The following MARCHF1 variants were observed in gnomAD, a reference collection of about 807,000 sequenced individuals.
MARCHF1 encodes the protein membrane associated ring-CH-type finger 1.
In MARCHF1, 40 loss-of-function variants were observed where a neutral mutation model predicts 54.2. That is an observed-to-expected ratio of 0.74 (90% CI 0.57 to 0.96). The LOEUF (loss-of-function observed/expected upper bound fraction) is 0.96. Among genes scored for constraint, MARCHF1 ranks in the 40% least tolerant of loss-of-function variants. MARCHF1 has a pLI of 0.00. For missense variants in MARCHF1, 586 were observed against 656.5 expected (o/e 0.89, Z 1.17); for synonymous variants, 236 against 236.3 (o/e 1.00, Z 0.01).
chr4:163,688,756 T>A (rs1455262678), intron 5 of MARCHF1, among the ~76,000 whole-genome samples: 1 of 152,130 alleles, frequency 6.6e-6, no homozygotes, highest in Non-Finnish European at 1.5e-5. Context: ...CCTCTCTGAG[T>A]ACTGTCTTCT....
intron 1 of MARCHF1, among the ~76,000 whole-genome samples, chr4:164,136,168 A>G (rs1180624916): frequency 6.7e-6 from 1 of 149,768 alleles, no homozygotes; most frequent in Admixed American, 6.7e-5. Flanking sequence ...AGTTTCTACT[A>G]TGTTCTTCTC....
intron 1 of MARCHF1, among the ~76,000 whole-genome samples, chr4:164,367,161 G>C: frequency 6.6e-6 from 1 of 152,042 alleles, no homozygotes; most frequent in Non-Finnish European, 1.5e-5. Context: ...AGACAGACTT[G>C]CCTACTCATG....
At chr4:164,052,835 T>G (rs1754402663) in intron 2 of MARCHF1, among the ~76,000 whole-genome samples, 1 of 152,100 alleles carries the variant, frequency 6.6e-6, no homozygotes, top group South Asian at 2.1e-4. Flanking sequence ...GGCTAAAAAG[T>G]AATTAGGAGA....
intron 2 of MARCHF1, among the ~76,000 whole-genome samples, chr4:164,004,531 C>A (rs1212242000): frequency 6.6e-6 from 1 of 151,572 alleles, no homozygotes; most frequent in Non-Finnish European, 1.5e-5. Flanking sequence ...CCAATGACTG[C>A]AGAATAGAAA....
At chr4:164,242,671 A>G (rs1045845968) in intron 1 of MARCHF1, among the ~76,000 whole-genome samples, 2 of 152,220 alleles carry the variant, frequency 1.3e-5, no homozygotes, top group Non-Finnish European at 2.9e-5. Context: ...CAGATGATCA[A>G]ATTACTCTGA....
chr4:164,307,963 C>T (rs954810297), intron 1 of MARCHF1, among the ~76,000 whole-genome samples: 2 of 152,128 alleles, frequency 1.3e-5, no homozygotes, highest in African/African-American at 2.4e-5. Context: ...ACATGATTTA[C>T]CCCTTGAGCC....
At chr4:163,615,582 TA>T (rs5863618) in intron 5 of MARCHF1, among the ~76,000 whole-genome samples, 61,854 of 151,108 alleles carry the variant, frequency 0.41, 13,423 homozygotes, top group East Asian at 0.57. Flanking sequence ...TGAAGAGGAA[TA>T]AAAAAAAATG....
chr4:164,256,861 T>C (rs1560976534), intron 1 of MARCHF1, among the ~76,000 whole-genome samples: 2 of 152,208 alleles, frequency 1.3e-5, no homozygotes, highest in South Asian at 4.1e-4. Flanking sequence ...CATTTTTTAA[T>C]GTAATACCAT....
At chr4:163,673,365 C>T (rs1743799736) in intron 5 of MARCHF1, among the ~76,000 whole-genome samples, 1 of 152,140 alleles carries the variant, frequency 6.6e-6, no homozygotes, top group Non-Finnish European at 1.5e-5. Context: ...TAATGTTAAA[C>T]AGTTTGGAAT....
intron 5 of MARCHF1, among the ~76,000 whole-genome samples, chr4:163,654,020 C>A (rs1743057859): frequency 6.6e-6 from 1 of 151,650 alleles, no homozygotes; most frequent in Non-Finnish European, 1.5e-5. Flanking sequence ...AAAGATAAAT[C>A]ATTAAGAACC....
At chr4:163,696,981 T>C (rs1278836713) in intron 5 of MARCHF1, among the ~76,000 whole-genome samples, 1 of 152,106 alleles carries the variant, frequency 6.6e-6, no homozygotes, top group Non-Finnish European at 1.5e-5. Context: ...TGTGATTTAT[T>C]TGTATCCTTG....
At chr4:164,074,485 C>T (rs1754934355) in intron 2 of MARCHF1, among the ~76,000 whole-genome samples, 1 of 152,114 alleles carries the variant, frequency 6.6e-6, no homozygotes, top group South Asian at 2.1e-4. Context: ...AATTTATCCT[C>T]AGGAAATTAA....
rs550156876 is a variant in MARCHF1, at chr4:163,575,778, T to G, written c.1191+9971A>C. ...TTCTTTCTGATTCAATCTTTGGAGA[T>G]TGCATGTTTCCAGAAATTTATCTTT... On this transcript the variant is annotated intron_variant, in intron 8 of 9. Transcript: ENST00000514618. 2.0e-5 allele frequency among the ~76,000 whole-genome samples: 3 copies of G among 152,128 alleles called. No homozygotes were observed. In the South Asian group the frequency reaches 6.2e-4, roughly 32 times the overall value.
chr4:164,284,317 A>AGT (rs1247404122), intron 1 of MARCHF1, among the ~76,000 whole-genome samples: 1 of 140,078 alleles, frequency 7.1e-6, no homozygotes, highest in African/African-American at 2.9e-5. Context: ...AGCTAAAGAA[A>AGT]GTGAGAGAGA....
Position 164,376,462 on chromosome 4 carries a change from A to T in MARCHF1, c.-323+7408T>A, listed in dbSNP as rs533155639. ...TCTCTTCAAAAGCAGAGTCTGAACT[A>T]AAAAATTATGTGCAAATAATACAAG... On this transcript the variant is annotated intron_variant, in intron 1 of 9. Coordinates refer to ENST00000514618, the MANE Select transcript of MARCHF1 (RefSeq NM_001394959.1). 2.0e-5 allele frequency among the ~76,000 whole-genome samples: 3 copies of T among 152,326 alleles called. No individual in the cohort carries two copies. In the South Asian group the frequency reaches 6.2e-4, roughly 32 times the overall value.
chr4:163,845,880 C>G (rs1749470962), intron 4 of MARCHF1, among the ~76,000 whole-genome samples: 1 of 152,052 alleles, frequency 6.6e-6, no homozygotes, highest in East Asian at 1.9e-4. Context: ...TAATTTTTTC[C>G]TCATGGTGTG....
chr4:164,054,599 A>T (rs1178217604), intron 2 of MARCHF1, among the ~76,000 whole-genome samples: 1 of 152,156 alleles, frequency 6.6e-6, no homozygotes, highest in East Asian at 1.9e-4. Flanking sequence ...GCAGCCAGCC[A>T]TAAAAATGAT....
chr4:163,689,575 G>A (rs2111193317), intron 5 of MARCHF1, among the ~76,000 whole-genome samples: 1 of 152,020 alleles, frequency 6.6e-6, no homozygotes, highest in East Asian at 1.9e-4. Context: ...GTCACCTATG[G>A]CTAATGGCTA....
At chr4:164,203,397 A>G (rs940764936) in intron 1 of MARCHF1, among the ~76,000 whole-genome samples, 2 of 152,122 alleles carry the variant, frequency 1.3e-5, no homozygotes, top group African/African-American at 4.8e-5. Flanking sequence ...CGAAAATCTA[A>G]TGGGGTAGCC....
Sources: allele counts gnomAD v4.1 joint callset (sites outside exome capture counted in the v4.1 genomes callset), GRCh38; gene constraint gnomAD v4.1.1; transcripts MANE v1.5; gene names NCBI Gene and HGNC (gene_info 2026-07-23, HGNC 2026-07-21).